CHN2: variants seen among roughly 807,000 people sequenced by gnomAD.
CHN2 encodes the protein beta-chimaerin.
CHN2 carries 35 observed loss-of-function variants against 56.3 expected under a neutral mutation model. That is an observed-to-expected ratio of 0.62 (90% CI 0.47 to 0.82). The LOEUF (loss-of-function observed/expected upper bound fraction) is 0.82. Ranked by LOEUF, CHN2 falls within the 40% of genes least tolerant of loss-of-function variation. CHN2 has a pLI of 0.00. For missense variants in CHN2, 491 were observed against 580.5 expected (o/e 0.85, Z 1.58); for synonymous variants, 210 against 212.8 (o/e 0.99, Z 0.12).
intron 1 of CHN2, among the ~76,000 whole-genome samples, chr7:29,230,900 T>C (rs1016838154): frequency 2.6e-5 from 4 of 152,206 alleles, no homozygotes; most frequent in African/African-American, 9.7e-5. Flanking sequence ...TTACCTATTA[T>C]AAAGTGCATC....
At chr7:29,417,580 A>C (rs955818107) in intron 6 of CHN2, among the ~76,000 whole-genome samples, 1 of 152,178 alleles carries the variant, frequency 6.6e-6, no homozygotes, top group African/African-American at 2.4e-5. Context: ...CAGAAAACCT[A>C]GAAGTTATTT....
At chr7:29,230,929 G>A (rs991355385) in intron 1 of CHN2, among the ~76,000 whole-genome samples, 3 of 152,062 alleles carry the variant, frequency 2.0e-5, no homozygotes, top group Non-Finnish European at 2.9e-5. Flanking sequence ...TAATCAGTTT[G>A]CATCTTAAAA....
At chr7:29,285,069 G>C (rs1792043116) in intron 1 of CHN2, among the ~76,000 whole-genome samples, 1 of 152,182 alleles carries the variant, frequency 6.6e-6, no homozygotes, top group Non-Finnish European at 1.5e-5. Flanking sequence ...GGGTGTGTGA[G>C]CCGCTTCTGT....
chr7:29,323,416 T>G (rs755689171), intron 1 of CHN2, among the ~76,000 whole-genome samples: 29 of 152,120 alleles, frequency 1.9e-4, no homozygotes, highest in Non-Finnish European at 2.2e-4. Flanking sequence ...GATGGCCCCC[T>G]CATTATTCTG....
intron 6 of CHN2, among the ~76,000 whole-genome samples, chr7:29,417,236 AAAGG>A (rs934494731): frequency 5.9e-5 from 9 of 151,912 alleles, no homozygotes; most frequent in African/African-American, 2.2e-4. Flanking sequence ...TTTGTTGAGA[AAAGG>A]AAGGAAGAAA....
At chr7:29,189,551 A>T (rs781266137) in intron 2 of CHN2, among the ~76,000 whole-genome samples, 2 of 152,182 alleles carry the variant, frequency 1.3e-5, no homozygotes, top group African/African-American at 2.4e-5. Flanking sequence ...GACAGAAAAG[A>T]TGTTTGTAAC....
chr7:29,358,151 G>A (rs1373043871), intron 2 of CHN2, among the ~76,000 whole-genome samples: 1 of 151,150 alleles, frequency 6.6e-6, no homozygotes, highest in Non-Finnish European at 1.5e-5. Flanking sequence ...TGTTTTCATT[G>A]ACGTTTTTTT....
chr7:29,195,649 T>A lies in CHN2; in HGVS notation c.49+659T>A, dbSNP rs748535153. ...GAGAGAGTGTGTGTGTGTGTGTGTG[T>A]GAGAGAGAGAGAGAGAGAGACTCCT... On this transcript the variant is annotated intron_variant, in intron 1 of 12. Transcript: ENST00000222792. 5.8e-3 allele frequency among the ~76,000 whole-genome samples: 756 copies of A among 129,940 alleles called. 3 individuals are homozygous for A. The highest frequency in any genetic ancestry group is 0.011 in the African/African-American group (368 of 34,934). 85.2% of individuals were successfully genotyped at this position (129,940 alleles called of 152,430 possible). A position where few individuals can be genotyped will look rare whatever the true frequency, so the allele number is the denominator to read the frequency against.
chr7:29,204,623 C>T (rs1372663966), intron 1 of CHN2, among the ~76,000 whole-genome samples: 1 of 152,104 alleles, frequency 6.6e-6, no homozygotes, highest in Non-Finnish European at 1.5e-5. Flanking sequence ...TCCTGGTTAG[C>T]TCTAGCCAAA....
chr7:29,243,598 G>T (rs1787853426), intron 1 of CHN2, among the ~76,000 whole-genome samples: 1 of 152,170 alleles, frequency 6.6e-6, no homozygotes, highest in Non-Finnish European at 1.5e-5. Context: ...TGTGTATGTT[G>T]TACAGATTTT....
At chr7:29,449,315 A>G (rs920113570) in intron 6 of CHN2, among the ~76,000 whole-genome samples, 1 of 152,246 alleles carries the variant, frequency 6.6e-6, no homozygotes, top group Non-Finnish European at 1.5e-5. Context: ...GTAATAATGG[A>G]AAGCAAATCT....
At chr7:29,162,399 C>T (rs769090549) in intron 2 of CHN2, among the ~76,000 whole-genome samples, 5 of 152,178 alleles carry the variant, frequency 3.3e-5, no homozygotes, top group Admixed American at 2.6e-4. Context: ...TGGTGGCTCA[C>T]ACCTGTAATC....
In CHN2 at chr7:29,495,879, T is replaced by C. The variant is rs936809630; in HGVS notation, c.655-73T>C. The C allele has an allele frequency of 3.1e-6, 4 of 1,278,648 alleles. No homozygotes were observed. The African/African-American group carries it at 4.4e-5, about 14-fold the overall frequency. 79.2% of individuals were successfully genotyped at this position (1,278,648 alleles called of 1,614,324 possible). A position where few individuals can be genotyped will look rare whatever the true frequency, so the allele number is the denominator to read the frequency against. On this transcript the variant is annotated intron_variant, in intron 7 of 12. Coordinates refer to ENST00000222792, the MANE Select transcript of CHN2 (RefSeq NM_004067.4). Reference sequence around the variant, plus strand: ...GGGGGATCGCTCCTGCTGATCTTCATTGACATGTCTGAGGCTACCTGCCTT... The same window carrying C: ...GGGGGATCGCTCCTGCTGATCTTCACTGACATGTCTGAGGCTACCTGCCTT...
chr7:29,271,926 A>G (rs1438925091), intron 1 of CHN2, among the ~76,000 whole-genome samples: 1 of 152,114 alleles, frequency 6.6e-6, no homozygotes, highest in African/African-American at 2.4e-5. Flanking sequence ...GCTGGGGCTC[A>G]CTGGTTCTTT....
At chr7:29,221,018 A>T (rs968424024) in intron 1 of CHN2, among the ~76,000 whole-genome samples, 1 of 152,346 alleles carries the variant, frequency 6.6e-6, no homozygotes, top group East Asian at 1.9e-4. Context: ...GAGGAAAATT[A>T]TGTAATTATT....
intron 6 of CHN2, among the ~76,000 whole-genome samples, chr7:29,418,808 T>G (rs776349152): frequency 2.6e-5 from 4 of 152,270 alleles, no homozygotes; most frequent in Non-Finnish European, 5.9e-5. Context: ...CGTGCCTAAT[T>G]TAAGTGTTTA....
At position 29,252,597 on chromosome 7, in the gene CHN2, T is replaced by TTTTG. The variant is rs1562866642; in HGVS notation, c.49+57610_49+57611insGTTT. On this transcript the variant is annotated intron_variant, in intron 1 of 12. Coordinates refer to ENST00000222792, the MANE Select transcript of CHN2 (RefSeq NM_004067.4). The stretch of plus-strand genomic sequence containing the variant: ...TTCTTTGTTTTTTTTTTTTTTTTTT[T>TTTTG]TTTTTTTTTGAGACGGAGTCTCGCT... Among the ~76,000 whole-genome samples the TTTTG allele has an allele frequency of 4.6e-5, 2 of 43,800 alleles. 1 individual carries two copies. Among genetic ancestry groups the TTTTG allele is most frequent in the African/African-American group, 3.5e-4 (2 of 5,696 alleles). 28.7% of individuals were successfully genotyped at this position (43,800 alleles called of 152,430 possible).
intron 1 of CHN2, among the ~76,000 whole-genome samples, chr7:29,298,217 A>G (rs1793346527): frequency 6.6e-6 from 1 of 152,126 alleles, no homozygotes; most frequent in South Asian, 2.1e-4. Flanking sequence ...CACCACCCTT[A>G]TTTATGAAAC....
chr7:29,325,667 C>T (rs1270918110), intron 1 of CHN2, among the ~76,000 whole-genome samples: 1 of 152,234 alleles, frequency 6.6e-6, no homozygotes, highest in Non-Finnish European at 1.5e-5. Context: ...AAGCTGCTAA[C>T]TCAGCCTATG....
Sources: gnomAD v4.1 joint callset for allele counts (sites outside exome capture counted in the v4.1 genomes callset) on GRCh38, gnomAD v4.1.1 for gene constraint, MANE v1.5 for transcripts, NCBI Gene and HGNC (gene_info 2026-07-23, HGNC 2026-07-21) for gene names.